ZNF140: variants seen among roughly 807,000 people sequenced by gnomAD.
ZNF140 encodes zinc finger protein 140.
In ZNF140, 13 loss-of-function variants were observed where a neutral mutation model predicts 12.9. The ratio of observed to expected loss-of-function variants is 1.01; its 90% CI spans 0.66 to 1.60. The LOEUF is 1.60. Ranked by LOEUF, ZNF140 falls within the 40% of genes most tolerant of loss-of-function variation. The pLI, the probability that ZNF140 is intolerant of heterozygous loss-of-function variation, is 0.00. For missense variants in ZNF140, 531 were observed against 548.8 expected (o/e 0.97, Z 0.32); for synonymous variants, 214 against 186.7 (o/e 1.15, Z -1.19).
At chr12:133,095,582 C>T (rs566023242) in intron 4 of ZNF140, among the ~76,000 whole-genome samples, 2 of 151,690 alleles carry the variant, frequency 1.3e-5, no homozygotes, top group East Asian at 1.9e-4. Context: ...CAACAGTGGG[C>T]CCAGGGGACC....
chr12:133,104,302 A>G (rs964155801), intron 4 of ZNF140, among the ~76,000 whole-genome samples: 25 of 151,464 alleles, frequency 1.7e-4, no homozygotes, highest in Non-Finnish European at 3.2e-4. Context: ...ATGGCCTTTT[A>G]CCTCTATACA....
At position 133,083,521 on chromosome 12, in the gene ZNF140, C is replaced by T. The variant is rs1593740611; in HGVS notation, c.192C>T (p.Pro64=). ...CCTTATTGGAGCAAGGGAAAGAACC[C>T]TGGCTGGGGAAAAGGGAAGTGAAAA... ...VVSLLEQGKE[P]WLGKREVKRD... The change falls in exon 4 of 5, where the codon CCC becomes CCT. Residue 64 remains proline, a synonymous_variant. Transcript: ENST00000355557. 1.9e-6 allele frequency: 3 copies of T among 1,613,888 alleles called. No homozygotes were observed. Among genetic ancestry groups the T allele is most frequent in the Non-Finnish European group, 2.5e-6 (3 of 1,179,898 alleles).
intron 4 of ZNF140, among the ~76,000 whole-genome samples, chr12:133,099,916 G>C (rs2137560638): frequency 6.6e-6 from 1 of 151,222 alleles, no homozygotes; most frequent in East Asian, 1.9e-4. Context: ...ACAGGCTACA[G>C]AATTGTGGGC....
In ZNF140 at chr12:133,100,168, T is replaced by G. The variant is rs1303989250; in HGVS notation, c.233-5342T>G. The stretch of plus-strand genomic sequence containing the variant: ...AATTTAATGCCTTTTCCGTTTTTTT[T>G]TTTTTTTTTTTTTTTTTTTGGCAGG... On this transcript the variant is annotated intron_variant, in intron 4 of 4. Transcript: ENST00000355557. Among the ~76,000 whole-genome samples, 20 of 134,366 alleles carry G rather than the reference T, an allele frequency of 1.5e-4. No homozygotes were observed. The South Asian group carries it at 2.0e-3, about 14-fold the overall frequency. The allele number at this position is 134,366 out of a possible 152,430, so 88.1% of individuals were successfully genotyped here.
At chr12:133,096,667 T>C (rs1955141606) in intron 4 of ZNF140, among the ~76,000 whole-genome samples, 1 of 152,246 alleles carries the variant, frequency 6.6e-6, no homozygotes, top group Admixed American at 6.5e-5. Context: ...TCCATGTGTT[T>C]TGAGATTTTC....
intron 4 of ZNF140, among the ~76,000 whole-genome samples, chr12:133,097,819 A>ATGTG (rs71079166): frequency 0.036 from 5,220 of 143,196 alleles, 92 homozygotes; most frequent in African/African-American, 0.046. Flanking sequence ...ACATCTAACC[A>ATGTG]TGTGTGTGTG....
At chr12:133,096,029 C>A (rs758664855) in intron 4 of ZNF140, among the ~76,000 whole-genome samples, 4 of 147,880 alleles carry the variant, frequency 2.7e-5, no homozygotes, top group Non-Finnish European at 4.5e-5. Flanking sequence ...TACCAATCCA[C>A]CTCAGCACAG....
chr12:133,084,022 A>G (rs1954591236), intron 4 of ZNF140: 1 of 317,474 alleles, frequency 3.1e-6, no homozygotes, highest in Admixed American at 4.9e-5. Flanking sequence ...TCCATAAAAC[A>G]CTACTTCATA....
At chr12:133,093,788 GTC>G (rs1954976384) in intron 4 of ZNF140, among the ~76,000 whole-genome samples, 1 of 150,828 alleles carries the variant, frequency 6.6e-6, no homozygotes, top group Admixed American at 6.6e-5. Flanking sequence ...TTCTCTTACA[GTC>G]TCTCTCTTCC....
In ZNF140 at chr12:133,094,743, C is replaced by T. The variant is rs1043007949; in HGVS notation, c.233-10767C>T. 1.5e-3 allele frequency among the ~76,000 whole-genome samples: 230 copies of T among 151,348 alleles called. 7 individuals carry two copies. The highest frequency in any genetic ancestry group is 0.014 in the East Asian group (70 of 5,174). On this transcript the variant is annotated intron_variant, in intron 4 of 4. Transcript: ENST00000355557. Reference sequence around the variant, plus strand: ...CAATAATGAGTGCCACGAGCCAAGTCGCAGCAAGCGTAGTTTCAGGCTCCC... The same window carrying T: ...CAATAATGAGTGCCACGAGCCAAGTTGCAGCAAGCGTAGTTTCAGGCTCCC...
rs1955229347 is a variant in ZNF140 at position 133,098,814 on chromosome 12, C to T, written c.233-6696C>T. Among the ~76,000 whole-genome samples the T allele has an allele frequency of 2.0e-5, 3 of 151,756 alleles. No homozygotes were observed. In the South Asian group the frequency reaches 6.3e-4, roughly 32 times the overall value. The stretch of plus-strand genomic sequence containing the variant: ...CTGCCTCCCGGGTCCAAGCGATTCT[C>T]CTATCAGCCTCCTGAGTAGCTGGGA... On this transcript the variant is annotated intron_variant, in intron 4 of 4. Coordinates refer to ENST00000355557, the MANE Select transcript of ZNF140 (RefSeq NM_003440.4).
chr12:133,094,004 C>A (rs1242522044), intron 4 of ZNF140, among the ~76,000 whole-genome samples: 1 of 151,028 alleles, frequency 6.6e-6, no homozygotes, highest in East Asian at 1.9e-4. Context: ...TCTTTTTCTC[C>A]CCAGTTTTAC....
chr12:133,089,340 A>G (rs1184021062), intron 4 of ZNF140, among the ~76,000 whole-genome samples: 2 of 151,994 alleles, frequency 1.3e-5, no homozygotes, highest in African/African-American at 2.4e-5. Context: ...CAGCCTCCCA[A>G]GTAGCTGGGA....
chr12:133,082,850 A>G (rs1954549252), intron 2 of ZNF140: 2 of 385,916 alleles, frequency 5.2e-6, no homozygotes, highest in Non-Finnish European at 9.3e-6. Context: ...GTTCATGTGT[A>G]TAATCCTTTA....
chr12:133,093,725 T>G (rs926768865), intron 4 of ZNF140, among the ~76,000 whole-genome samples: 5 of 151,012 alleles, frequency 3.3e-5, no homozygotes, highest in African/African-American at 9.8e-5. Context: ...AAGTATAGAG[T>G]GCTAGATTAA....
chr12:133,097,525 C>G (rs989871651), intron 4 of ZNF140, among the ~76,000 whole-genome samples: 1 of 151,736 alleles, frequency 6.6e-6, no homozygotes, highest in Non-Finnish European at 1.5e-5. Context: ...CACCTATAGT[C>G]CCAGCTACTC....
chr12:133,090,029 A>C (rs1954804258), intron 4 of ZNF140, among the ~76,000 whole-genome samples: 1 of 151,882 alleles, frequency 6.6e-6, no homozygotes, highest in African/African-American at 2.4e-5. Flanking sequence ...TTGTATTTTT[A>C]GTAGAGATGG....
rs1020101464 is a variant in ZNF140 at position 133,092,793 on chromosome 12, A to G, written c.232+9232A>G. ...TGGGCCTGGCCCGTACAATCATAAT[A>G]TAATTGGCCTCGAGGGGCCCAGTCT... is the stretch of plus-strand genomic sequence containing the variant. On this transcript the variant is annotated intron_variant, in intron 4 of 4. Transcript: ENST00000355557. Among the ~76,000 whole-genome samples, 8 of 151,218 alleles carry G rather than the reference A, an allele frequency of 5.3e-5. 1 individual carries two copies. The highest frequency in any genetic ancestry group is 7.4e-5 in the Non-Finnish European group (5 of 67,876).
intron 4 of ZNF140, among the ~76,000 whole-genome samples, chr12:133,088,787 A>G (rs376529802): frequency 0.016 from 2,433 of 151,906 alleles, 51 homozygotes; most frequent in African/African-American, 0.055. Flanking sequence ...GATTTTGCTA[A>G]TGCTTTTATT....
Sources: allele counts gnomAD v4.1 joint callset (sites outside exome capture counted in the v4.1 genomes callset), GRCh38; gene constraint gnomAD v4.1.1; transcripts MANE v1.5; gene names NCBI Gene and HGNC (gene_info 2026-07-23, HGNC 2026-07-21).